P3H2: variants seen among roughly 807,000 people sequenced by gnomAD.
The protein encoded by P3H2 is prolyl 3-hydroxylase 2.
P3H2 carries 80 observed loss-of-function variants against 87.0 expected under a neutral mutation model. The observed-to-expected ratio is 0.92, with a 90% confidence interval of 0.77 to 1.11. P3H2 has a LOEUF of 1.11. Among genes scored for constraint, P3H2 ranks in the 50% least tolerant of loss-of-function variants. P3H2 has a pLI of 0.00. For missense variants in P3H2, 1,001 were observed against 923.9 expected (o/e 1.08, Z -1.08); for synonymous variants, 367 against 359.3 (o/e 1.02, Z -0.24).
At chr3:190,006,000 G>C (rs558219426) in intron 1 of P3H2, among the ~76,000 whole-genome samples, 145 of 152,202 alleles carry the variant, frequency 9.5e-4, no homozygotes, top group Non-Finnish European at 1.6e-3. Flanking sequence ...TAACCTTCAG[G>C]CTGTACAGTA....
intron 1 of P3H2, among the ~76,000 whole-genome samples, chr3:190,032,115 G>A (rs749089559): frequency 2.6e-5 from 4 of 152,204 alleles, no homozygotes; most frequent in East Asian, 1.9e-4. Context: ...CATGTCCAAC[G>A]AGATGGAGGA....
intron 1 of P3H2, among the ~76,000 whole-genome samples, chr3:190,070,819 G>A (rs547998698): frequency 2.0e-5 from 3 of 152,050 alleles, no homozygotes; most frequent in South Asian, 2.1e-4. Context: ...CCATTTTCAC[G>A]CTTATGCATT....
chr3:190,075,372 C>T (rs141997020), intron 1 of P3H2, among the ~76,000 whole-genome samples: 5,432 of 151,744 alleles, frequency 0.036, 320 homozygotes, highest in African/African-American at 0.12. Flanking sequence ...GTAATCCCAG[C>T]TACTCGGGAG....
intron 1 of P3H2, among the ~76,000 whole-genome samples, chr3:190,075,034 T>C (rs1411787176): frequency 6.6e-6 from 1 of 152,202 alleles, no homozygotes; most frequent in Non-Finnish European, 1.5e-5. Context: ...TCAGCTATCA[T>C]TCATCCACTC....
chr3:190,064,931 G>A (rs1726450315), intron 1 of P3H2, among the ~76,000 whole-genome samples: 1 of 152,102 alleles, frequency 6.6e-6, no homozygotes, highest in Non-Finnish European at 1.5e-5. Flanking sequence ...GTAGACTGCA[G>A]GGGCTGTTCA....
chr3:190,060,913 A>G (rs1162933362), intron 1 of P3H2, among the ~76,000 whole-genome samples: 2 of 151,884 alleles, frequency 1.3e-5, no homozygotes, highest in African/African-American at 2.4e-5. Context: ...TGCTTTATTT[A>G]TTTTTTATTT....
intron 1 of P3H2, among the ~76,000 whole-genome samples, chr3:190,026,339 T>C (rs1725083900): frequency 6.6e-6 from 1 of 152,184 alleles, no homozygotes; most frequent in Non-Finnish European, 1.5e-5. Flanking sequence ...CATTCCCAGA[T>C]GGTTAGGCAT....
intron 1 of P3H2, among the ~76,000 whole-genome samples, chr3:190,040,292 A>C (rs955570655): frequency 6.6e-6 from 1 of 152,194 alleles, no homozygotes; most frequent in Non-Finnish European, 1.5e-5. Flanking sequence ...AACAGTTTTT[A>C]TTGGGTCTAT....
At chr3:189,993,950 C>T in intron 3 of P3H2, 144 bp downstream of exon 3, 1 of 630,504 alleles carries the variant, frequency 1.6e-6, no homozygotes, top group Non-Finnish European at 2.6e-6. Context: ...ATACATTTCT[C>T]TACAGGAGAT....
chr3:190,066,158 T>TATATATACACACACAC lies in P3H2; in HGVS notation c.480+54093_480+54094insGTGTGTGTGTATATAT, dbSNP rs1256956930. ...ACTGTGGTGTGTATATATATATATA[T>TATATATACACACACAC]ACACACACACACACACACACATATA... is the stretch of plus-strand genomic sequence containing the variant. On this transcript the variant is annotated intron_variant, in intron 1 of 14. Transcript: ENST00000319332. 1.5e-3 allele frequency among the ~76,000 whole-genome samples: 198 copies of TATATATACACACACAC among 134,592 alleles called. 5 individuals are homozygous for TATATATACACACACAC. Among genetic ancestry groups the TATATATACACACACAC allele is most frequent in the African/African-American group, 5.8e-3 (187 of 32,210 alleles). 88.3% of individuals were successfully genotyped at this position (134,592 alleles called of 152,430 possible). A position where few individuals can be genotyped will look rare whatever the true frequency, so the allele number is the denominator to read the frequency against.
intron 1 of P3H2, among the ~76,000 whole-genome samples, chr3:190,060,637 C>A (rs1285157925): frequency 1.3e-5 from 2 of 152,100 alleles, no homozygotes; most frequent in Non-Finnish European, 2.9e-5. Flanking sequence ...CTAATTTAGC[C>A]TATGATCTCT....
chr3:189,979,583 C>G (rs1401362884), intron 8 of P3H2, among the ~76,000 whole-genome samples: 1 of 152,164 alleles, frequency 6.6e-6, no homozygotes, highest in Middle Eastern at 3.4e-3. Context: ...AGAGACTAAG[C>G]CTCCTGATTC....
At position 189,958,699 on chromosome 3, in the gene P3H2, C is replaced by CTTTT. The variant is rs71175319; in HGVS notation, c.2035-699_2035-696dup. Reference sequence around the variant, plus strand: ...CCACTAGAGGGCAACATTGCTCCCTCTTTTTTTTTTTTTTTTTTTTTGAGA... The same window carrying CTTTT: ...CCACTAGAGGGCAACATTGCTCCCTCTTTTTTTTTTTTTTTTTTTTTTTTTGAGA... On this transcript the variant is annotated intron_variant, in intron 14 of 14. Transcript: ENST00000319332. Among the ~76,000 whole-genome samples, 188 of 120,162 alleles carry CTTTT rather than the reference C, an allele frequency of 1.6e-3. 2 individuals are homozygous for CTTTT. Among genetic ancestry groups the CTTTT allele is most frequent in the Non-Finnish European group, 2.4e-3 (142 of 59,672 alleles). The allele number at this position is 120,162 out of a possible 152,430, so 78.8% of individuals were successfully genotyped here. A position where few individuals can be genotyped will look rare whatever the true frequency, so the allele number is the denominator to read the frequency against.
At chr3:190,072,457 C>T (rs1726734380) in intron 1 of P3H2, among the ~76,000 whole-genome samples, 2 of 152,146 alleles carry the variant, frequency 1.3e-5, no homozygotes, top group South Asian at 4.1e-4. Flanking sequence ...GTGGTACCAA[C>T]TTTCTAAAGG....
chr3:190,050,916 C>A (rs1343421950), intron 1 of P3H2, among the ~76,000 whole-genome samples: 14 of 152,122 alleles, frequency 9.2e-5, no homozygotes, highest in Non-Finnish European at 2.1e-4. Context: ...CAAACCTACA[C>A]AATACCAATG....
intron 8 of P3H2, among the ~76,000 whole-genome samples, chr3:189,975,545 T>C (rs1429516087): frequency 1.3e-5 from 2 of 152,170 alleles, no homozygotes; most frequent in African/African-American, 4.8e-5. Context: ...TAACCATTTA[T>C]AACACTCCCA....
intron 6 of P3H2, 59 bp from the exon 7 acceptor site, chr3:189,984,649 C>T: frequency 8.5e-7 from 1 of 1,183,194 alleles, no homozygotes; most frequent in Non-Finnish European, 1.3e-6. Context: ...ACATCACTTA[C>T]AGAATTAAGA....
At chr3:189,986,380 T>C (rs1723697579) in intron 6 of P3H2, among the ~76,000 whole-genome samples, 3 of 150,978 alleles carry the variant, frequency 2.0e-5, no homozygotes. Flanking sequence ...AGGTCAGGAG[T>C]CCGAGACTAG....
intron 1 of P3H2, among the ~76,000 whole-genome samples, chr3:190,079,098 T>C (rs1166628585): frequency 1.3e-5 from 2 of 152,056 alleles, no homozygotes; most frequent in East Asian, 3.9e-4. Flanking sequence ...TCCAGCCCTT[T>C]GGGAAGCTGA....
Sources: allele counts gnomAD v4.1 joint callset (sites outside exome capture counted in the v4.1 genomes callset), GRCh38; gene constraint gnomAD v4.1.1; transcripts MANE v1.5; gene names NCBI Gene and HGNC (gene_info 2026-07-23, HGNC 2026-07-21).